DLG2: variants seen among roughly 807,000 people sequenced by gnomAD.
DLG2 encodes the protein disks large homolog 2.
In DLG2, 45 loss-of-function variants were observed where a neutral mutation model predicts 132.5. That is an observed-to-expected ratio of 0.34 (90% CI 0.27 to 0.44). DLG2 has a LOEUF of 0.44. Among genes scored for constraint, DLG2 ranks in the 20% least tolerant of loss-of-function variants. DLG2 has a pLI of 1.00. For missense variants in DLG2, 1,045 were observed against 1,196.9 expected (o/e 0.87, Z 1.87); for synonymous variants, 424 against 419.6 (o/e 1.01, Z -0.13).
chr11:85,363,427 A>G (rs1295695236), intron 3 of DLG2, among the ~76,000 whole-genome samples: 1 of 152,264 alleles, frequency 6.6e-6, no homozygotes, highest in East Asian at 1.9e-4. Context: ...TCTAAAATTT[A>G]CATTAAGGAT....
intron 4 of DLG2, among the ~76,000 whole-genome samples, chr11:85,239,194 T>C (rs2075751667): frequency 6.6e-6 from 1 of 152,060 alleles, no homozygotes; most frequent in Non-Finnish European, 1.5e-5. Flanking sequence ...CTCACAACAC[T>C]TGGGCTCACC....
intron 21 of DLG2, among the ~76,000 whole-genome samples, chr11:83,499,891 A>ATCTATCTATCTATC (rs1555113388): frequency 9.2e-6 from 1 of 108,234 alleles, no homozygotes; most frequent in African/African-American, 3.9e-5. Flanking sequence ...ATATATATAT[A>ATCTATCTATCTATC]TATATATCAG....
intron 6 of DLG2, among the ~76,000 whole-genome samples, chr11:85,001,181 T>C (rs1459939784): frequency 6.6e-6 from 1 of 151,262 alleles, no homozygotes; most frequent in African/African-American, 2.4e-5. Flanking sequence ...GCAGCCTCGA[T>C]CTCCCACGTT....
chr11:84,934,517 TTTGTTTTG>T lies in DLG2; in HGVS notation c.357+177136_357+177143del, dbSNP rs1566441702. The stretch of plus-strand genomic sequence containing the variant: ...ATGGTCCTGGGTGTTTTTTTTTTGT[TTTGTTTTG>T]TTTTTTTTTTTTTTTTTTTTTGGTG... On this transcript the variant is annotated intron_variant, in intron 6 of 27. Coordinates refer to ENST00000376104, the MANE Select transcript of DLG2 (RefSeq NM_001142699.3). Among the ~76,000 whole-genome samples the T allele has an allele frequency of 2.0e-3, 112 of 57,098 alleles. 6 individuals carry two copies. The highest frequency in any genetic ancestry group is 7.6e-3 in the African/African-American group (86 of 11,328). The allele number at this position is 57,098 out of a possible 152,430, so 37.5% of individuals were successfully genotyped here. A position where few individuals can be genotyped will look rare whatever the true frequency, so the allele number is the denominator to read the frequency against.
chr11:84,538,232 C>T (rs1591841989), intron 6 of DLG2, among the ~76,000 whole-genome samples: 1 of 152,174 alleles, frequency 6.6e-6, no homozygotes, highest in Admixed American at 6.5e-5. Flanking sequence ...AAAGATATTC[C>T]AGCCAAAGGC....
chr11:85,263,289 T>C (rs2077037892), intron 4 of DLG2, among the ~76,000 whole-genome samples: 1 of 152,228 alleles, frequency 6.6e-6, no homozygotes, highest in South Asian at 2.1e-4. Flanking sequence ...TGAGATCACC[T>C]GGCTTAAAAG....
At chr11:85,003,076 A>G (rs1016034500) in intron 6 of DLG2, among the ~76,000 whole-genome samples, 3 of 152,124 alleles carry the variant, frequency 2.0e-5, no homozygotes, top group African/African-American at 2.4e-5. Flanking sequence ...ATCAAGAGTT[A>G]TACACAAATT....
intron 3 of DLG2, among the ~76,000 whole-genome samples, chr11:85,481,948 G>A (rs115905051): frequency 0.024 from 3,632 of 152,094 alleles, 142 homozygotes; most frequent in African/African-American, 0.082. Flanking sequence ...GCAGCCCCAG[G>A]GTCCAGGTCT....
chr11:84,414,280 T>TC (rs2098920978), intron 7 of DLG2, among the ~76,000 whole-genome samples: 1 of 152,206 alleles, frequency 6.6e-6, no homozygotes, highest in African/African-American at 2.4e-5. Flanking sequence ...ATCATTATTA[T>TC]CAATAAAGTA....
At chr11:85,127,561 G>T (rs1227967164) in intron 5 of DLG2, among the ~76,000 whole-genome samples, 2 of 152,030 alleles carry the variant, frequency 1.3e-5, no homozygotes, top group Admixed American at 6.6e-5. Context: ...ATTGCCTGTT[G>T]TATCCCCACA....
intron 3 of DLG2, among the ~76,000 whole-genome samples, chr11:85,314,669 A>C (rs1047860254): frequency 6.6e-6 from 1 of 151,990 alleles, no homozygotes; most frequent in African/African-American, 2.4e-5. Flanking sequence ...GAAGAAAATG[A>C]GCAAAGAAAC....
At chr11:83,783,310 G>A (rs937608788) in intron 18 of DLG2, among the ~76,000 whole-genome samples, 16 of 152,134 alleles carry the variant, frequency 1.1e-4, no homozygotes, top group African/African-American at 3.4e-4. Flanking sequence ...TTGTGATCTC[G>A]CTTTGTAAAG....
chr11:84,311,173 C>T (rs908607996), intron 7 of DLG2, among the ~76,000 whole-genome samples: 4 of 152,090 alleles, frequency 2.6e-5, no homozygotes, highest in African/African-American at 9.7e-5. Flanking sequence ...CTAGCCTAGC[C>T]TTCATCATTA....
intron 3 of DLG2, among the ~76,000 whole-genome samples, chr11:85,315,587 G>A (rs2080607624): frequency 6.6e-6 from 1 of 151,884 alleles, no homozygotes; most frequent in Non-Finnish European, 1.5e-5. Flanking sequence ...TCCAATGCAG[G>A]GAGCAACAGT....
intron 6 of DLG2, among the ~76,000 whole-genome samples, chr11:85,058,638 T>G (rs2063708456): frequency 6.6e-6 from 1 of 151,500 alleles, no homozygotes; most frequent in Admixed American, 6.6e-5. Context: ...TATTAAAACC[T>G]TATGTACAGT....
At chr11:84,355,281 C>T (rs1019097778) in intron 7 of DLG2, among the ~76,000 whole-genome samples, 12 of 151,932 alleles carry the variant, frequency 7.9e-5, no homozygotes, top group African/African-American at 1.9e-4. Flanking sequence ...AACGGACATC[C>T]GCTATTGCTG....
At position 84,340,943 on chromosome 11, in the gene DLG2, T is replaced by G. The variant is rs183976945; in HGVS notation, c.520-89652A>C. ...TCAGCATGATTGAAGGAGAGCTACG[T>G]GGAAGAACAGTACATTCTATCCAGA... On this transcript the variant is annotated intron_variant, in intron 7 of 27. Coordinates refer to ENST00000376104, the MANE Select transcript of DLG2 (RefSeq NM_001142699.3). Among the ~76,000 whole-genome samples, 9 of 152,292 alleles carry G rather than the reference T, an allele frequency of 5.9e-5. No individual in the cohort carries two copies. In the East Asian group the frequency reaches 1.7e-3, roughly 29 times the overall value.
intron 5 of DLG2, among the ~76,000 whole-genome samples, chr11:85,140,238 C>G (rs1268256637): frequency 4.6e-5 from 7 of 151,934 alleles, no homozygotes; most frequent in Non-Finnish European, 8.8e-5. Flanking sequence ...GACCTCCATA[C>G]TGTTTTCCAT....
At chr11:84,683,040 G>A (rs1368888348) in intron 6 of DLG2, among the ~76,000 whole-genome samples, 1 of 152,136 alleles carries the variant, frequency 6.6e-6, no homozygotes. Flanking sequence ...TGGGGTCTCT[G>A]AGTATATTTG....
Sources: gnomAD v4.1 joint callset for allele counts (sites outside exome capture counted in the v4.1 genomes callset) on GRCh38, gnomAD v4.1.1 for gene constraint, MANE v1.5 for transcripts, NCBI Gene and HGNC (gene_info 2026-07-23, HGNC 2026-07-21) for gene names.